The following NRXN3 variants were observed in gnomAD, a reference collection of about 807,000 sequenced individuals.
NRXN3 encodes neurexin III.
Under a neutral mutation model 137.6 loss-of-function variants are expected in NRXN3, and 32 were observed. That is an observed-to-expected ratio of 0.23 (90% CI 0.18 to 0.31). The LOEUF (loss-of-function observed/expected upper bound fraction) is 0.31, where lower values mean the gene tolerates loss of function less well. Among genes scored for constraint, NRXN3 ranks in the 10% least tolerant of loss-of-function variants. The pLI, the probability that NRXN3 is intolerant of heterozygous loss-of-function variation, is 1.00. For synonymous variants in NRXN3, 798 were observed against 784.5 expected, an observed-to-expected ratio of 1.02 and a Z score of -0.29; for missense variants, 1,574 against 2,062.5, an observed-to-expected ratio of 0.76 and a Z score of 4.59.
chr14:79,574,971 C>T (rs2097650778), intron 16 of NRXN3, among the ~76,000 whole-genome samples: 1 of 151,990 alleles, frequency 6.6e-6, no homozygotes, highest in South Asian at 2.1e-4. Flanking sequence ...ATGGATTATA[C>T]AGCACGTGTC....
intron 17 of NRXN3, among the ~76,000 whole-genome samples, chr14:79,682,988 A>C (rs1449882714): frequency 1.3e-5 from 2 of 152,132 alleles, no homozygotes; most frequent in Admixed American, 1.3e-4. Flanking sequence ...TAAATAAGAA[A>C]ATCCAGTCCC....
intron 15 of NRXN3, among the ~76,000 whole-genome samples, chr14:79,456,633 A>G (rs1221524327): frequency 1.3e-5 from 2 of 151,938 alleles, no homozygotes; most frequent in East Asian, 1.9e-4. Context: ...AGGCTGAGAC[A>G]GGAGAATCTC....
intron 10 of NRXN3, among the ~76,000 whole-genome samples, chr14:78,902,585 C>A (rs537901192): frequency 6.6e-6 from 1 of 151,774 alleles, no homozygotes; most frequent in African/African-American, 2.4e-5. Flanking sequence ...TAAAGATTAG[C>A]CCCTAATTCT....
At chr14:79,398,224 G>T (rs1300888160) in intron 15 of NRXN3, among the ~76,000 whole-genome samples, 1 of 152,124 alleles carries the variant, frequency 6.6e-6, no homozygotes. Context: ...CCATATATGT[G>T]CCTTCTATAC....
At chr14:79,493,618 G>A (rs1306234617) in intron 16 of NRXN3, among the ~76,000 whole-genome samples, 3 of 152,296 alleles carry the variant, frequency 2.0e-5, no homozygotes, top group East Asian at 1.9e-4. Context: ...TCTATCACGG[G>A]ATGAATAGGT....
rs116747228 is a variant in NRXN3, at chr14:79,049,172, A to G, written c.3262+61031A>G. ...TATCTGTACTATGTGATGCTGTTTGATAGCATTTTACCCAAAGCAAAATTT... is the reference window on the plus strand; with the variant it reads ...TATCTGTACTATGTGATGCTGTTTGGTAGCATTTTACCCAAAGCAAAATTT... On this transcript the variant is annotated intron_variant, in intron 15 of 20. Coordinates refer to ENST00000335750, the MANE Select transcript of NRXN3 (RefSeq NM_001330195.2). 6.4e-3 allele frequency among the ~76,000 whole-genome samples: 950 copies of G among 149,060 alleles called. 10 individuals carry two copies. Among genetic ancestry groups the G allele is most frequent in the African/African-American group, 0.022 (900 of 40,572 alleles).
At chr14:78,177,060 T>C (rs1030331341) in intron 1 of NRXN3, among the ~76,000 whole-genome samples, 1 of 152,150 alleles carries the variant, frequency 6.6e-6, no homozygotes, top group African/African-American at 2.4e-5. Flanking sequence ...CAATCCCATA[T>C]AGCCCTGCCC....
At chr14:79,388,068 G>T (rs544744545) in intron 15 of NRXN3, among the ~76,000 whole-genome samples, 4 of 151,420 alleles carry the variant, frequency 2.6e-5, no homozygotes, top group African/African-American at 9.7e-5. Context: ...AAACCTGCAC[G>T]TTGTGCACAT....
At chr14:78,427,494 C>T (rs2093708764) in intron 4 of NRXN3, among the ~76,000 whole-genome samples, 2 of 152,190 alleles carry the variant, frequency 1.3e-5, no homozygotes, top group South Asian at 4.1e-4. Context: ...GCCTCTTTAA[C>T]ACAGGCTTCT....
chr14:78,810,170 T>C lies in NRXN3; in HGVS notation c.2249-148T>C, dbSNP rs533896981. 6 of 611,116 alleles carry C rather than the reference T, an allele frequency of 9.8e-6. No homozygotes were observed. The African/African-American group carries it at 1.2e-4, about 12-fold the overall frequency. 37.9% of individuals were successfully genotyped at this position (611,116 alleles called of 1,614,324 possible). A position where few individuals can be genotyped will look rare whatever the true frequency, so the allele number is the denominator to read the frequency against. The stretch of plus-strand genomic sequence containing the variant: ...ATATACTGTACATATACACCCACCC[T>C]TAAACTTGTACATACTTTATATATA... On this transcript the variant is annotated intron_variant, in intron 9 of 20. Transcript: ENST00000335750.
At chr14:78,204,296 G>A (rs942195918) in intron 1 of NRXN3, among the ~76,000 whole-genome samples, 2 of 151,862 alleles carry the variant, frequency 1.3e-5, no homozygotes, top group African/African-American at 2.4e-5. Flanking sequence ...CTAAGAAAGA[G>A]CACGAGCATG....
At chr14:79,506,617 G>C (rs1276988704) in intron 16 of NRXN3, among the ~76,000 whole-genome samples, 1 of 152,012 alleles carries the variant, frequency 6.6e-6, no homozygotes, top group African/African-American at 2.4e-5. Context: ...GTCTTTCCTA[G>C]CTCCCTTTTC....
chr14:78,950,681 C>T (rs779361345), intron 10 of NRXN3, among the ~76,000 whole-genome samples: 4 of 151,784 alleles, frequency 2.6e-5, no homozygotes, highest in South Asian at 2.1e-4. Flanking sequence ...AGGAAGGGAA[C>T]GAGGGAGGTG....
chr14:79,345,012 A>T (rs959792875), intron 15 of NRXN3, among the ~76,000 whole-genome samples: 1 of 152,230 alleles, frequency 6.6e-6, no homozygotes, highest in African/African-American at 2.4e-5. Context: ...GGCTTCATCC[A>T]ATATGCTCTT....
chr14:78,911,648 G>T (rs531771395), intron 10 of NRXN3, among the ~76,000 whole-genome samples: 3 of 152,228 alleles, frequency 2.0e-5, no homozygotes, highest in Admixed American at 6.5e-5. Flanking sequence ...AACCTATTTT[G>T]CTGTCATTTG....
At chr14:79,749,408 C>G (rs1321974977) in intron 19 of NRXN3, among the ~76,000 whole-genome samples, 2 of 149,604 alleles carry the variant, frequency 1.3e-5, no homozygotes, top group African/African-American at 4.9e-5. Flanking sequence ...ATCCACATTG[C>G]TGTTTTCTGC....
At chr14:78,226,280 G>A (rs28727501) in intron 1 of NRXN3, among the ~76,000 whole-genome samples, 13,728 of 152,166 alleles carry the variant, frequency 0.09, 845 homozygotes, top group African/African-American at 0.17. Flanking sequence ...TGGGATTACA[G>A]GCGTGAGCCA....
intron 20 of NRXN3, among the ~76,000 whole-genome samples, chr14:79,852,276 CA>C (rs2099393336): frequency 6.7e-6 from 1 of 148,854 alleles, no homozygotes; most frequent in African/African-American, 2.5e-5. Flanking sequence ...CACACACACA[CA>C]CACCTCTCAC....
intron 6 of NRXN3, among the ~76,000 whole-genome samples, chr14:78,681,660 G>A (rs979315200): frequency 6.6e-6 from 1 of 152,106 alleles, no homozygotes; most frequent in South Asian, 2.1e-4. Context: ...GAGCCTAAAG[G>A]AAAATGACTA....
Sources: allele counts gnomAD v4.1 joint callset (sites outside exome capture counted in the v4.1 genomes callset), GRCh38; gene constraint gnomAD v4.1.1; transcripts MANE v1.5; gene names NCBI Gene and HGNC (gene_info 2026-07-23, HGNC 2026-07-21).